SPAG9: variants seen among roughly 807,000 people sequenced by gnomAD.
The protein encoded by SPAG9 is C-Jun-amino-terminal kinase-interacting protein 4.
In SPAG9, 35 loss-of-function variants were observed where a neutral mutation model predicts 166.5. The ratio of observed to expected loss-of-function variants is 0.21; its 90% confidence interval spans 0.16 to 0.28. SPAG9 has a LOEUF of 0.28. Among genes scored for constraint, SPAG9 ranks in the 10% least tolerant of loss-of-function variants. The pLI is 1.00. For missense variants in SPAG9, 1,235 were observed against 1,603.3 expected (o/e 0.77, Z 3.92); for synonymous variants, 534 against 565.5 (o/e 0.94, Z 0.79).
At chr17:51,044,046 T>C (rs760868445) in intron 4 of SPAG9, among the ~76,000 whole-genome samples, 10 of 152,188 alleles carry the variant, frequency 6.6e-5, no homozygotes, top group Non-Finnish European at 4.4e-5. Flanking sequence ...GGGAGATCTC[T>C]TCAGAGACTG....
intron 6 of SPAG9, among the ~76,000 whole-genome samples, chr17:51,029,151 G>A (rs2046297573): frequency 6.6e-6 from 1 of 152,034 alleles, no homozygotes; most frequent in Non-Finnish European, 1.5e-5. Flanking sequence ...TAAAAGAATG[G>A]CATGTCTGTG....
intron 10 of SPAG9, 26 bp from the exon 11 acceptor site, chr17:51,006,263 T>C (rs1193589209): frequency 6.2e-7 from 1 of 1,604,418 alleles, no homozygotes; most frequent in East Asian, 2.2e-5. Context: ...TTCAAGTGCA[T>C]CATTACAAAT....
At chr17:51,087,202 C>A (rs2048328264) in intron 1 of SPAG9, among the ~76,000 whole-genome samples, 1 of 152,128 alleles carries the variant, frequency 6.6e-6, no homozygotes, top group Non-Finnish European at 1.5e-5. Context: ...ATATAGGTAA[C>A]CTCATAAACA....
intron 1 of SPAG9, among the ~76,000 whole-genome samples, chr17:51,101,043 C>CT: frequency 6.6e-6 from 1 of 152,120 alleles, no homozygotes; most frequent in South Asian, 2.1e-4. Context: ...AGGCAATCGT[C>CT]TTTTTAAAAG....
chr17:51,016,087 T>C (rs567885687), intron 8 of SPAG9: 1 of 151,940 alleles, frequency 6.6e-6, no homozygotes, highest in East Asian at 1.9e-4. Flanking sequence ...AGCATGAAAA[T>C]GAAGTAATGT....
chr17:51,099,759 TAAAA>T (rs58721041), intron 1 of SPAG9, among the ~76,000 whole-genome samples: 368 of 43,608 alleles, frequency 8.4e-3, no homozygotes, highest in Non-Finnish European at 0.015. Context: ...CTTCTATTAC[TAAAA>T]AAAAAAAAAA....
rs1222765548 is a variant in SPAG9, at chr17:50,964,974, T to A, written c.*1298A>T. 5.7e-6 allele frequency: 1 copy of A among 176,834 alleles called. No individual in the cohort carries two copies. Among genetic ancestry groups the A allele is most frequent in the Non-Finnish European group, 1.2e-5 (1 of 80,820 alleles). 11.0% of individuals were successfully genotyped at this position (176,834 alleles called of 1,614,324 possible). On this transcript the variant is annotated 3_prime_UTR_variant, in exon 30 of 30. Transcript: ENST00000262013. Reference sequence around the variant, plus strand: ...CAGGGTTTCGCCATGTTGCCCAGGCTGGTCTTGAACTCCTGGGCTCAAGCA... The same window carrying A: ...CAGGGTTTCGCCATGTTGCCCAGGCAGGTCTTGAACTCCTGGGCTCAAGCA...
intron 3 of SPAG9, among the ~76,000 whole-genome samples, chr17:51,054,626 C>T (rs905709281): frequency 1.3e-4 from 20 of 151,526 alleles, no homozygotes; most frequent in African/African-American, 4.6e-4. Flanking sequence ...TTAGTAGAGA[C>T]GGGGTTTCAC....
chr17:51,029,610 T>A (rs1450098178), intron 6 of SPAG9, among the ~76,000 whole-genome samples: 1 of 152,192 alleles, frequency 6.6e-6, no homozygotes, highest in Non-Finnish European at 1.5e-5. Context: ...TGTCACATGC[T>A]ATAACATGAA....
In SPAG9 at chr17:50,985,176, G is replaced by C. The variant is rs190575636; in HGVS notation, c.3021-186C>G. Among the ~76,000 whole-genome samples, 502 of 152,294 alleles carry C rather than the reference G, an allele frequency of 3.3e-3. 2 individuals are homozygous for C. The highest frequency in any genetic ancestry group is 0.016 in the South Asian group (75 of 4,824). ...GTCCTGCTATGAAAAAATGTCAGCT[G>C]AACTAAATAAACAGTATGAATGGTA... On this transcript the variant is annotated intron_variant, in intron 23 of 29. Coordinates refer to ENST00000262013, the MANE Select transcript of SPAG9 (RefSeq NM_001130528.3).
chr17:51,073,188 C>A (rs545997111), intron 2 of SPAG9, among the ~76,000 whole-genome samples: 34 of 152,046 alleles, frequency 2.2e-4, no homozygotes, highest in Admixed American at 4.6e-4. Flanking sequence ...ATTTTCCGGG[C>A]GTGGTGGTGG....
At chr17:51,005,286 A>G in intron 11 of SPAG9, 23 bp from the exon 12 acceptor site, 1 of 1,611,106 alleles carries the variant, frequency 6.2e-7, no homozygotes, top group Non-Finnish European at 8.5e-7. Flanking sequence ...AAACAAAACA[A>G]AACATGTTAT....
At chr17:51,032,468 T>C (rs2144304968) in intron 5 of SPAG9, among the ~76,000 whole-genome samples, 1 of 152,012 alleles carries the variant, frequency 6.6e-6, no homozygotes, top group South Asian at 2.1e-4. Flanking sequence ...CAGTCCCAAA[T>C]CCTTTTTCAT....
At position 51,009,156 on chromosome 17, in the gene SPAG9, C is replaced by G. The variant is rs1393048896; in HGVS notation, c.1214-1830G>C. 6.6e-6 allele frequency: 3 copies of G among 451,566 alleles called. No individual in the cohort carries two copies. In the East Asian group the frequency reaches 2.1e-4, roughly 32 times the overall value. 28.0% of individuals were successfully genotyped at this position (451,566 alleles called of 1,614,324 possible). A position where few individuals can be genotyped will look rare whatever the true frequency, so the allele number is the denominator to read the frequency against. On this transcript the variant is annotated intron_variant, in intron 9 of 29. Transcript: ENST00000262013. ...CAGAATATTCCCCTACGTAAGCAGCCCAAGAGAAAAATGAATGAGAATCTC... is the reference window on the plus strand; with the variant it reads ...CAGAATATTCCCCTACGTAAGCAGCGCAAGAGAAAAATGAATGAGAATCTC...
intron 1 of SPAG9, among the ~76,000 whole-genome samples, chr17:51,108,195 T>G (rs1013903618): frequency 6.6e-6 from 1 of 151,638 alleles, no homozygotes; most frequent in Non-Finnish European, 1.5e-5. Flanking sequence ...AAGACCAGCA[T>G]GGTCAACATG....
At chr17:51,098,863 A>G (rs1369240047) in intron 1 of SPAG9, among the ~76,000 whole-genome samples, 1 of 151,602 alleles carries the variant, frequency 6.6e-6, no homozygotes, top group Admixed American at 6.6e-5. Context: ...GCAATTTGGG[A>G]GGCCAAGGCG....
At position 50,974,692 on chromosome 17, in the gene SPAG9, G is replaced by C. The variant is rs1974091701; in HGVS notation, c.3700+79C>G. On this transcript the variant is annotated intron_variant, in intron 28 of 29. Coordinates refer to ENST00000262013, the MANE Select transcript of SPAG9 (RefSeq NM_001130528.3). ...CCTGCAATTCGAGTACTTAGCCTTA[G>C]ACTATTAGGTAGTGGAACCAAGAGA... 5 of 1,274,774 alleles carry C rather than the reference G, an allele frequency of 3.9e-6. 1 individual carries two copies. The Admixed American group carries it at 1.4e-4, about 35-fold the overall frequency. 79.0% of individuals were successfully genotyped at this position (1,274,774 alleles called of 1,614,324 possible).
At position 50,982,573 on chromosome 17, in the gene SPAG9, C is replaced by A. The variant is rs753581417; in HGVS notation, c.3188G>T (p.Gly1063Val). 2 of 1,614,056 alleles carry A rather than the reference C, an allele frequency of 1.2e-6. No individual in the cohort carries two copies. The highest frequency in any genetic ancestry group is 1.1e-5 in the South Asian group (1 of 91,064). The change falls in exon 25 of 30, where the codon GGC becomes GTC. Residue 1063 changes from glycine (G) to valine (V), a missense_variant. This residue lies in a region of SPAG9 where 243 missense variants were observed against 358.6 expected (regional missense o/e 0.68). Coordinates refer to ENST00000262013, the MANE Select transcript of SPAG9 (RefSeq NM_001130528.3). Reference sequence around the variant, plus strand: ...CACCACATAGATTTTGTTCCTATAGCCACACCAGACTTTGTCATGTACCAC... The same window carrying A: ...CACCACATAGATTTTGTTCCTATAGACACACCAGACTTTGTCATGTACCAC... Reference protein sequence around the residue: ...MTVVHDKVWCGYRNKIYVVQP... With the variant: ...MTVVHDKVWCVYRNKIYVVQP...
intron 4 of SPAG9, among the ~76,000 whole-genome samples, chr17:51,042,255 G>A (rs1206444171): frequency 6.6e-6 from 1 of 152,178 alleles, no homozygotes; most frequent in Admixed American, 6.6e-5. Flanking sequence ...CAGTACATAT[G>A]AGAAAACCAT....
Sources: allele counts gnomAD v4.1 joint callset (sites outside exome capture counted in the v4.1 genomes callset), GRCh38; gene constraint gnomAD v4.1.1; regional missense constraint gnomAD v4.1.1; transcripts MANE v1.5; gene names NCBI Gene and HGNC (gene_info 2026-07-23, HGNC 2026-07-21).